KCNH1: variants seen among roughly 807,000 people sequenced by gnomAD.
KCNH1 encodes the protein voltage-gated delayed rectifier potassium channel KCNH1.
In KCNH1, 27 loss-of-function variants were observed where a neutral mutation model predicts 69.2. The observed-to-expected ratio is 0.39, with a 90% CI of 0.29 to 0.54. KCNH1 has a LOEUF of 0.54. Ranked by LOEUF, KCNH1 falls within the 20% of genes least tolerant of loss-of-function variation. The pLI is 0.68. For synonymous variants in KCNH1, 456 were observed against 487.7 expected (o/e 0.93, Z 0.86); for missense variants, 798 against 1,261.6 (o/e 0.63, Z 5.57).
At chr1:210,983,961 G>C (rs973844671) in intron 6 of KCNH1, among the ~76,000 whole-genome samples, 3 of 152,150 alleles carry the variant, frequency 2.0e-5, no homozygotes, top group African/African-American at 7.2e-5. Flanking sequence ...GCAGTGGTTT[G>C]TAATTGTCCT....
chr1:211,015,714 C>G (rs1689479784), intron 6 of KCNH1, among the ~76,000 whole-genome samples: 1 of 152,194 alleles, frequency 6.6e-6, no homozygotes, highest in Non-Finnish European at 1.5e-5. Context: ...GTAGTATTAT[C>G]CCCAAGATGT....
rs768835601 is a variant in KCNH1 at position 210,797,727 on chromosome 1, C to T, written c.1696G>A (p.Asp566Asn). 5 of 1,613,962 alleles carry T rather than the reference C, an allele frequency of 3.1e-6. No individual in the cohort carries two copies. The highest frequency in any genetic ancestry group is 3.4e-6 in the Non-Finnish European group (4 of 1,179,850). Residue 566 changes from aspartate (D) to asparagine (N), a missense_variant, in exon 9 of 11, where the codon GAC becomes AAC. Asp to Asn is a conservative substitution (Grantham distance 23). Transcript: ENST00000271751. The part of the protein sequence containing the change: ...LQICPKDMRA[D>N]ICVHLNRKVF... Reference sequence around the variant, plus strand: ...TTGCGGTTCAGGTGCACGCAGATGTCGGCTCTCATGTCCTTGGGGCAGATC... The same window carrying T: ...TTGCGGTTCAGGTGCACGCAGATGTTGGCTCTCATGTCCTTGGGGCAGATC...
At chr1:210,761,184 G>A (rs376924410) in intron 10 of KCNH1, among the ~76,000 whole-genome samples, 4 of 144,438 alleles carry the variant, frequency 2.8e-5, no homozygotes, top group African/African-American at 7.7e-5. Flanking sequence ...CCCGGGAGGC[G>A]GAGCTTGCAG....
intron 6 of KCNH1, among the ~76,000 whole-genome samples, chr1:210,966,337 G>A (rs1295076054): frequency 6.6e-6 from 1 of 152,150 alleles, no homozygotes; most frequent in African/African-American, 2.4e-5. Context: ...AAGACTTCAT[G>A]ACTAAAACAC....
At chr1:211,060,400 CA>C (rs60620622) in intron 5 of KCNH1, among the ~76,000 whole-genome samples, 10,352 of 43,640 alleles carry the variant, frequency 0.24, 87 homozygotes, top group South Asian at 0.3. Context: ...GACTCCGTCT[CA>C]AAAAAAAAAA....
rs148940663 is a variant in KCNH1 at position 211,018,119 on chromosome 1, A to C, written c.1032+664T>G. ...CCCCCTTCACCTTCCACCATGAGTGACCTGGTCCTAAATCTTCCAGCCATC... is the reference window on the plus strand; with the variant it reads ...CCCCCTTCACCTTCCACCATGAGTGCCCTGGTCCTAAATCTTCCAGCCATC... On this transcript the variant is annotated intron_variant, in intron 6 of 10. Transcript: ENST00000271751. Among the ~76,000 whole-genome samples, 776 of 152,128 alleles carry C rather than the reference A, an allele frequency of 5.1e-3. 10 individuals are homozygous for C. Among genetic ancestry groups the C allele is most frequent in the African/African-American group, 0.018 (737 of 41,486 alleles).
Position 210,939,438 on chromosome 1 carries a change from A to G in KCNH1, c.1033-19369T>C, listed in dbSNP as rs1005170249. Among the ~76,000 whole-genome samples, 3 of 152,276 alleles carry G rather than the reference A, an allele frequency of 2.0e-5. No individual in the cohort carries two copies. In the East Asian group the frequency reaches 5.8e-4, roughly 29 times the overall value. On this transcript the variant is annotated intron_variant, in intron 6 of 10. Transcript: ENST00000271751. The stretch of plus-strand genomic sequence containing the variant: ...CAGGCCCAACAGAGGGGAGAGTGGA[A>G]GCCACAAAAGAATCCAAGTGAAGCA...
In KCNH1 at chr1:211,033,010, C is replaced by T. The variant is rs1689819629; in HGVS notation, c.559-13754G>A. The stretch of plus-strand genomic sequence containing the variant: ...TGGGAGAACATTTTTGCAATCTACT[C>T]ATCTGACAAAGGGCTAATATCCAGA... On this transcript the variant is annotated intron_variant, in intron 5 of 10. Coordinates refer to ENST00000271751, the MANE Select transcript of KCNH1 (RefSeq NM_172362.3). Among the ~76,000 whole-genome samples the T allele has an allele frequency of 2.6e-5, 4 of 152,138 alleles. No homozygotes were observed. The South Asian group carries it at 8.3e-4, about 32-fold the overall frequency.
intron 6 of KCNH1, among the ~76,000 whole-genome samples, chr1:210,974,815 G>A (rs1688573544): frequency 6.6e-6 from 1 of 151,794 alleles, no homozygotes; most frequent in Admixed American, 6.6e-5. Context: ...ACCCACCTTG[G>A]CCTCCCAAAG....
At chr1:211,118,333 C>T (rs1281922679) in intron 1 of KCNH1, among the ~76,000 whole-genome samples, 1 of 152,174 alleles carries the variant, frequency 6.6e-6, no homozygotes, top group Non-Finnish European at 1.5e-5. Flanking sequence ...TTTGTATTTT[C>T]TGAACTTATC....
intron 6 of KCNH1, among the ~76,000 whole-genome samples, chr1:210,956,058 T>C (rs1334385541): frequency 6.6e-6 from 1 of 152,180 alleles, no homozygotes; most frequent in Non-Finnish European, 1.5e-5. Flanking sequence ...ATAGCTCTTA[T>C]TATTTTGAGA....
intron 7 of KCNH1, among the ~76,000 whole-genome samples, chr1:210,880,809 A>C (rs1686477200): frequency 6.6e-6 from 1 of 151,298 alleles, no homozygotes; most frequent in African/African-American, 2.5e-5. Context: ...AAATGGGGGA[A>C]AAAATTCCAA....
At position 210,888,457 on chromosome 1, in the gene KCNH1, G is replaced by A. The variant is rs575146730; in HGVS notation, c.1462+31183C>T. 8.2e-4 allele frequency among the ~76,000 whole-genome samples: 125 copies of A among 152,224 alleles called. 9 individuals carry two copies. Among genetic ancestry groups the A allele is most frequent in the Non-Finnish European group, 2.9e-4 (20 of 68,016 alleles). On this transcript the variant is annotated intron_variant, in intron 7 of 10. Transcript: ENST00000271751. ...ACTAAACGCCCACAGGAGAAAGCAG[G>A]AAAGATCCAAAATTGACACCCTAAC... is the stretch of plus-strand genomic sequence containing the variant.
At chr1:210,824,892 T>C (rs1685003916) in intron 7 of KCNH1, among the ~76,000 whole-genome samples, 1 of 152,178 alleles carries the variant, frequency 6.6e-6, no homozygotes, top group Non-Finnish European at 1.5e-5. Flanking sequence ...AAATATAGAT[T>C]TGTTGACTTT....
intron 5 of KCNH1, among the ~76,000 whole-genome samples, chr1:211,019,972 A>G (rs1689560390): frequency 6.6e-6 from 1 of 152,146 alleles, no homozygotes; most frequent in South Asian, 2.1e-4. Flanking sequence ...AAAACATAAC[A>G]TAACAAAAAC....
intron 6 of KCNH1, among the ~76,000 whole-genome samples, chr1:210,949,742 C>T (rs1449252227): frequency 6.6e-6 from 1 of 152,194 alleles, no homozygotes; most frequent in Non-Finnish European, 1.5e-5. Flanking sequence ...TTAGCTATAT[C>T]GCCCATTATA....
chr1:210,919,300 C>T lies in KCNH1; in HGVS notation c.1462+340G>A, dbSNP rs2102560795. The T allele has an allele frequency of 5.0e-6, 1 of 200,900 alleles. No homozygotes were observed. The highest frequency in any genetic ancestry group is 1.2e-4 in the South Asian group (1 of 8,296). The allele number at this position is 200,900 out of a possible 1,614,324, so 12.4% of individuals were successfully genotyped here. On this transcript the variant is annotated intron_variant, in intron 7 of 10. Transcript: ENST00000271751. The surrounding 1 kb of genome is among the most constrained non-coding windows in gnomAD (Gnocchi z 4.2). ...TGAGTAGTTTACTAAAGTGCGTATG[C>T]AGCAAGATCTCATTTTAAGTTTATA...
At chr1:211,004,006 T>C (rs997675535) in intron 6 of KCNH1, among the ~76,000 whole-genome samples, 7 of 151,856 alleles carry the variant, frequency 4.6e-5, no homozygotes, top group Admixed American at 4.6e-4. Flanking sequence ...GGCAGGAGAA[T>C]GGCGTGAACC....
intron 5 of KCNH1, among the ~76,000 whole-genome samples, chr1:211,030,569 C>A (rs1169215523): frequency 6.6e-6 from 1 of 152,018 alleles, no homozygotes; most frequent in East Asian, 1.9e-4. Context: ...AGAAAAGGAA[C>A]CAGGACCTAA....
Sources: allele counts gnomAD v4.1 joint callset (sites outside exome capture counted in the v4.1 genomes callset), GRCh38; gene constraint gnomAD v4.1.1; non-coding constraint Gnocchi (gnomAD v3.1); transcripts MANE v1.5; gene names NCBI Gene and HGNC (gene_info 2026-07-23, HGNC 2026-07-21).